RNF17: variants seen among roughly 807,000 people sequenced by gnomAD.
The protein encoded by RNF17 is spermatogenesis associated 23.
A neutral mutation model predicts 200.5 loss-of-function variants in RNF17; 31 were observed. The observed-to-expected ratio is 0.15, with a 90% confidence interval of 0.12 to 0.21. The LOEUF is 0.21. Among genes scored for constraint, RNF17 ranks in the 10% least tolerant of loss-of-function variants. The pLI is 1.00. For synonymous variants in RNF17, 606 were observed against 637.8 expected (o/e 0.95, Z 0.75); for missense variants, 1,628 against 1,905.1 (o/e 0.85, Z 2.71).
Position 24,853,974 on chromosome 13 carries a change from C to T in RNF17, c.3440C>T (p.Thr1147Ile). ...ACTAACTTTGACCCTGACAAGAAAACTGCTGACATAATCAGTGAACAGAAA... is the reference window on the plus strand; with the variant it reads ...ACTAACTTTGACCCTGACAAGAAAATTGCTGACATAATCAGTGAACAGAAA... ...IKTNFDPDKK[T>I]ADIISEQKVS... Residue 1147 changes from threonine to isoleucine, a missense_variant, in exon 25 of 36, where the codon ACT becomes ATT. Around this residue, in one of 5 missense-constraint regions of RNF17, gnomAD observed 609 missense variants for 681.9 expected, o/e 0.89. Coordinates refer to ENST00000255324, the MANE Select transcript of RNF17 (RefSeq NM_031277.3). 2 of 1,614,118 alleles carry T rather than the reference C, an allele frequency of 1.2e-6. 1 individual carries two copies. The highest frequency in any genetic ancestry group is 2.2e-5 in the South Asian group (2 of 91,090).
chr13:24,773,507 C>A (rs573638919), intron 2 of RNF17, among the ~76,000 whole-genome samples: 2 of 152,068 alleles, frequency 1.3e-5, no homozygotes, highest in Non-Finnish European at 2.9e-5. Context: ...ATTGGCCACA[C>A]GTGGACATAA....
At chr13:24,882,095 T>C (rs367765333), downstream of RNF17, among the ~76,000 whole-genome samples, 4 of 31,068 alleles carry the variant, frequency 1.3e-4, 1 homozygote, top group East Asian at 3.3e-3. Flanking sequence ...TCTATATATA[T>C]AGATACATCT....
At chr13:24,796,958 T>C (rs1884652917) in intron 11 of RNF17, among the ~76,000 whole-genome samples, 1 of 152,196 alleles carries the variant, frequency 6.6e-6, no homozygotes, top group Non-Finnish European at 1.5e-5. Context: ...CTAGTCTTGA[T>C]TGTCATTTAA....
intron 25 of RNF17, among the ~76,000 whole-genome samples, chr13:24,856,344 T>C (rs1033218290): frequency 2.1e-5 from 3 of 144,206 alleles, no homozygotes; most frequent in Non-Finnish European, 4.5e-5. Context: ...CGTTTGAACC[T>C]GGGAGGCAGA....
upstream of RNF17, among the ~76,000 whole-genome samples, chr13:24,762,777 A>C (rs1469381306): frequency 6.6e-6 from 1 of 152,184 alleles, no homozygotes; most frequent in African/African-American, 2.4e-5. Context: ...TTTGAAATAC[A>C]CCTGCCACCT....
intron 19 of RNF17, among the ~76,000 whole-genome samples, chr13:24,842,637 A>T (rs1237023824): frequency 6.6e-6 from 1 of 152,070 alleles, no homozygotes; most frequent in Non-Finnish European, 1.5e-5. Context: ...GGTTAGGGTG[A>T]CCCCAGAAGC....
chr13:24,780,618 A>G (rs1212872424), intron 5 of RNF17, among the ~76,000 whole-genome samples: 1 of 152,206 alleles, frequency 6.6e-6, no homozygotes, highest in Admixed American at 6.5e-5. Context: ...TCACTTGGTC[A>G]TGCCTGTGAT....
intron 26 of RNF17, 87 bp downstream of exon 26, chr13:24,859,251 A>G (rs186382525): frequency 3.2e-6 from 3 of 925,684 alleles, no homozygotes; most frequent in Non-Finnish European, 4.6e-6. Flanking sequence ...AGAAAGTTGG[A>G]TTAAAACATC....
intron 19 of RNF17, 125 bp downstream of exon 19, chr13:24,842,286 C>A (rs1890721552): frequency 3.9e-6 from 3 of 774,752 alleles, no homozygotes; most frequent in Non-Finnish European, 5.7e-6. Context: ...TGAGAATTTT[C>A]CCTGTCCTGG....
Position 24,850,291 on chromosome 13 carries a change from A to G in RNF17, c.3102-50A>G, listed in dbSNP as rs749039882. 3.4e-6 allele frequency: 4 copies of G among 1,171,802 alleles called. No individual in the cohort carries two copies. In the South Asian group the frequency reaches 5.2e-5, roughly 15 times the overall value. 72.6% of individuals were successfully genotyped at this position (1,171,802 alleles called of 1,614,324 possible). A position where few individuals can be genotyped will look rare whatever the true frequency, so the allele number is the denominator to read the frequency against. The stretch of plus-strand genomic sequence containing the variant: ...AATATAGTGTTTTTTGTATATTTCA[A>G]TATTGTATGCTATTTTTATAAAACA... On this transcript the variant is annotated intron_variant, in intron 22 of 35. Coordinates refer to ENST00000255324, the MANE Select transcript of RNF17 (RefSeq NM_031277.3).
intron 35 of RNF17, 43 bp downstream of exon 35, chr13:24,879,338 G>A: frequency 8.1e-7 from 1 of 1,239,916 alleles, no homozygotes; most frequent in Non-Finnish European, 1.2e-6. Context: ...TGGGACTAGT[G>A]GAGATGAATG....
At chr13:24,811,499 CT>C (rs1472587077) in intron 15 of RNF17, among the ~76,000 whole-genome samples, 1 of 152,136 alleles carries the variant, frequency 6.6e-6, no homozygotes, top group Admixed American at 6.5e-5. Context: ...CCATCAGCTC[CT>C]TTAAGCACTT....
At chr13:24,795,171 A>G (rs753421216) in intron 10 of RNF17, among the ~76,000 whole-genome samples, 162 of 152,236 alleles carry the variant, frequency 1.1e-3, no homozygotes, top group Non-Finnish European at 1.5e-3. Context: ...ATCTATCTAT[A>G]CTTGACTATA....
intron 34 of RNF17, among the ~76,000 whole-genome samples, chr13:24,878,065 A>G (rs1299067949): frequency 6.6e-6 from 1 of 152,188 alleles, no homozygotes; most frequent in Non-Finnish European, 1.5e-5. Context: ...CTTAGATAGG[A>G]ACATGTGATG....
rs1429213583 is a variant in RNF17 at position 24,861,420 on chromosome 13, TTTAAATA to T, written c.3894+37_3894+43del. The stretch of plus-strand genomic sequence containing the variant: ...CATAATAATTTGTGGAATGATTAAT[TTTAAATA>T]TTAGTTTTTATTAATAATTTTTTAG... On this transcript the variant is annotated intron_variant, in intron 27 of 35. Transcript: ENST00000255324. The T allele has an allele frequency of 2.2e-6, 3 of 1,336,880 alleles. No homozygotes were observed. In the South Asian group the frequency reaches 5.0e-5, roughly 22 times the overall value. The allele number at this position is 1,336,880 out of a possible 1,614,324, so 82.8% of individuals were successfully genotyped here.
At position 24,779,757 on chromosome 13, in the gene RNF17, T is replaced by A; in HGVS notation, c.510+10T>A. 2 of 1,601,574 alleles carry A rather than the reference T, an allele frequency of 1.2e-6. No individual in the cohort carries two copies. Among genetic ancestry groups the A allele is most frequent in the Non-Finnish European group, 1.7e-6 (2 of 1,168,812 alleles). On this transcript the variant is annotated intron_variant, in intron 5 of 35. Transcript: ENST00000255324. Reference sequence around the variant, plus strand: ...AAGCATTGCTGGAAAAGTAAGCACTTTGCAGGATTAAATTCTATCATGAAG... The same window carrying A: ...AAGCATTGCTGGAAAAGTAAGCACTATGCAGGATTAAATTCTATCATGAAG...
chr13:24,873,984 A>C, intron 32 of RNF17, 130 bp from the exon 33 acceptor site: 1 of 831,252 alleles, frequency 1.2e-6, no homozygotes, highest in Non-Finnish European at 1.9e-6. Context: ...TTGATTCCGT[A>C]TCTTGGCTAT....
intron 34 of RNF17, 74 bp from the exon 35 acceptor site, chr13:24,879,113 A>T: frequency 2.7e-6 from 3 of 1,101,486 alleles, no homozygotes; most frequent in Non-Finnish European, 4.2e-6. Context: ...CACCCGTGTG[A>T]ATGGCCAGAT....
intron 30 of RNF17, among the ~76,000 whole-genome samples, chr13:24,867,456 T>G (rs1893752639): frequency 6.6e-6 from 1 of 152,230 alleles, no homozygotes; most frequent in Non-Finnish European, 1.5e-5. Context: ...TACATAAACC[T>G]TTGTAATTTA....
Sources: allele counts gnomAD v4.1 joint callset (sites outside exome capture counted in the v4.1 genomes callset), GRCh38; gene constraint gnomAD v4.1.1; regional missense constraint gnomAD v4.1.1; transcripts MANE v1.5; gene names NCBI Gene and HGNC (gene_info 2026-07-23, HGNC 2026-07-21).